CPNE4: variants seen among roughly 807,000 people sequenced by gnomAD.
CPNE4 encodes the protein copine-4.
In CPNE4, 25 loss-of-function variants were observed where a neutral mutation model predicts 67.9. The observed-to-expected ratio is 0.37, with a 90% confidence interval of 0.27 to 0.51. CPNE4 has a LOEUF of 0.51. Ranked by LOEUF, CPNE4 falls within the 20% of genes least tolerant of loss-of-function variation. CPNE4 has a pLI of 0.93. For missense variants in CPNE4, 464 were observed against 690.8 expected (o/e 0.67, Z 3.68); for synonymous variants, 242 against 244.9 (o/e 0.99, Z 0.11).
intron 2 of CPNE4, among the ~76,000 whole-genome samples, chr3:131,777,704 C>T (rs1265889331): frequency 6.6e-6 from 1 of 152,050 alleles, no homozygotes; most frequent in African/African-American, 2.4e-5. Flanking sequence ...ACTTTATTGG[C>T]ACTACACTTT....
intron 1 of CPNE4, among the ~76,000 whole-genome samples, chr3:131,984,640 A>G (rs921770706): frequency 8.5e-5 from 13 of 152,340 alleles, no homozygotes; most frequent in Admixed American, 6.5e-4. Context: ...ATGCTGGCCC[A>G]TCTTCCAACT....
At chr3:131,652,685 A>G (rs959674072) in intron 7 of CPNE4, among the ~76,000 whole-genome samples, 1 of 152,302 alleles carries the variant, frequency 6.6e-6, no homozygotes, top group East Asian at 1.9e-4. Context: ...ATACACACAC[A>G]TGAGCACTTA....
intron 2 of CPNE4, among the ~76,000 whole-genome samples, chr3:131,771,732 G>T (rs2083171527): frequency 6.6e-6 from 1 of 152,052 alleles, no homozygotes; most frequent in Non-Finnish European, 1.5e-5. Context: ...CACACAAACA[G>T]ATTAAGACAG....
chr3:131,574,191 T>TTAG (rs1188197543), intron 10 of CPNE4, among the ~76,000 whole-genome samples: 2 of 152,132 alleles, frequency 1.3e-5, no homozygotes, highest in Non-Finnish European at 2.9e-5. Context: ...CTGAGCTTCG[T>TTAG]TAGTACATTT....
chr3:131,718,198 T>C (rs2081785367), intron 3 of CPNE4, among the ~76,000 whole-genome samples: 1 of 152,028 alleles, frequency 6.6e-6, no homozygotes, highest in Non-Finnish European at 1.5e-5. Context: ...TTTCACTATG[T>C]TGTCCAGGCT....
At chr3:131,771,696 C>T (rs566454592) in intron 2 of CPNE4, among the ~76,000 whole-genome samples, 6 of 152,214 alleles carry the variant, frequency 3.9e-5, no homozygotes, top group African/African-American at 1.4e-4. Flanking sequence ...GTAAGTTACC[C>T]AGCCTCAGGT....
At chr3:131,624,195 C>T (rs1416935496) in intron 7 of CPNE4, among the ~76,000 whole-genome samples, 1 of 152,202 alleles carries the variant, frequency 6.6e-6, no homozygotes, top group East Asian at 1.9e-4. Flanking sequence ...TCTTTCTGAC[C>T]ATTGCTTATC....
chr3:131,873,603 T>C (rs2087308705), intron 2 of CPNE4, among the ~76,000 whole-genome samples: 1 of 152,212 alleles, frequency 6.6e-6, no homozygotes, highest in African/African-American at 2.4e-5. Flanking sequence ...AGCACATCTT[T>C]TTGCCTAGTT....
chr3:131,629,902 C>T (rs186822123), intron 7 of CPNE4, among the ~76,000 whole-genome samples: 1,777 of 152,040 alleles, frequency 0.012, 41 homozygotes, highest in African/African-American at 0.04. Flanking sequence ...GTCTCTCTCT[C>T]GTTCTCTCTC....
chr3:131,798,943 G>T (rs1485863067), intron 2 of CPNE4, among the ~76,000 whole-genome samples: 3 of 151,772 alleles, frequency 2.0e-5, no homozygotes, highest in Non-Finnish European at 4.4e-5. Flanking sequence ...AAATTAATAA[G>T]ATAAAAGCAT....
chr3:131,577,600 T>C (rs1937581574), intron 9 of CPNE4, among the ~76,000 whole-genome samples: 1 of 152,116 alleles, frequency 6.6e-6, no homozygotes, highest in South Asian at 2.1e-4. Context: ...GTATAAAATA[T>C]AATAAATGGC....
chr3:131,567,570 T>C lies in CPNE4; in HGVS notation c.928-3221A>G, dbSNP rs558888664. 9.9e-5 allele frequency among the ~76,000 whole-genome samples: 15 copies of C among 152,092 alleles called. No homozygotes were observed. The South Asian group carries it at 3.1e-3, about 32-fold the overall frequency. On this transcript the variant is annotated intron_variant, in intron 10 of 15. Coordinates refer to ENST00000429747, the MANE Select transcript of CPNE4 (RefSeq NM_130808.3). ...TGCACCCCAGGTACGTCTCTTGCTT[T>C]ACCTCCAATACTGACCCTACTATGT...
intron 1 of CPNE4, among the ~76,000 whole-genome samples, chr3:131,910,237 G>A (rs921116297): frequency 1.3e-5 from 2 of 152,226 alleles, no homozygotes; most frequent in East Asian, 1.9e-4. Context: ...TCTGGGGAAG[G>A]GGGGAGAAAG....
rs55641783 is a variant in CPNE4, at chr3:131,615,929, GCACACACACA to G, written c.682-28357_682-28348del. Among the ~76,000 whole-genome samples the G allele has an allele frequency of 4.4e-4, 34 of 78,060 alleles. 1 individual carries two copies. Among genetic ancestry groups the G allele is most frequent in the Admixed American group, 2.2e-3 (20 of 9,088 alleles). The allele number at this position is 78,060 out of a possible 152,430, so 51.2% of individuals were successfully genotyped here. On this transcript the variant is annotated intron_variant, in intron 7 of 15. Transcript: ENST00000429747. ...CACACACACACACACACACACACAC[GCACACACACA>G]CACACACACACAAAAGAACATTTGC... is the stretch of plus-strand genomic sequence containing the variant.
At chr3:132,018,361 A>G (rs2073928919) in intron 1 of CPNE4, among the ~76,000 whole-genome samples, 1 of 152,212 alleles carries the variant, frequency 6.6e-6, no homozygotes, top group South Asian at 2.1e-4. Context: ...TGGCATGAAC[A>G]ATATTTTAAA....
rs114475616 is a variant in CPNE4, at chr3:131,857,352, G to A, written c.180+47912C>T. On this transcript the variant is annotated intron_variant, in intron 2 of 15. Coordinates refer to ENST00000429747, the MANE Select transcript of CPNE4 (RefSeq NM_130808.3). ...TAAATTAGGTAAACGTGAAGAGTGG[G>A]TTCCTGCAGCAGTTTCATCATTCAC... 2.6e-3 allele frequency among the ~76,000 whole-genome samples: 397 copies of A among 152,140 alleles called. 3 individuals carry two copies. Among genetic ancestry groups the A allele is most frequent in the Admixed American group, 4.7e-3 (71 of 15,244 alleles).
At chr3:131,819,479 GACAC>G (rs2084875137) in intron 2 of CPNE4, among the ~76,000 whole-genome samples, 1 of 125,274 alleles carries the variant, frequency 8.0e-6, no homozygotes, top group South Asian at 2.9e-4. Context: ...CATTCACACA[GACAC>G]ACACAGATAC....
At chr3:131,939,381 A>G (rs2071320498) in intron 1 of CPNE4, among the ~76,000 whole-genome samples, 1 of 152,198 alleles carries the variant, frequency 6.6e-6, no homozygotes, top group African/African-American at 2.4e-5. Context: ...TAAACAGTGA[A>G]TGTTATCTTT....
intron 1 of CPNE4, among the ~76,000 whole-genome samples, chr3:131,967,567 T>C (rs2072387365): frequency 6.6e-6 from 1 of 152,140 alleles, no homozygotes; most frequent in Non-Finnish European, 1.5e-5. Context: ...CAAGCATTCC[T>C]ATACACCAAT....
Sources: allele counts gnomAD v4.1 joint callset (sites outside exome capture counted in the v4.1 genomes callset), GRCh38; gene constraint gnomAD v4.1.1; transcripts MANE v1.5; gene names NCBI Gene and HGNC (gene_info 2026-07-23, HGNC 2026-07-21).